ME3: variants seen among roughly 807,000 people sequenced by gnomAD.
ME3 encodes NADP-dependent malic enzyme, mitochondrial.
Under a neutral mutation model 68.9 loss-of-function variants are expected in ME3, and 48 were observed. That is an observed-to-expected ratio of 0.70 (90% CI 0.55 to 0.89). The LOEUF (loss-of-function observed/expected upper bound fraction) is 0.89. ME3 is among the 40% of genes least tolerant of loss of function. The probability of loss-of-function intolerance (pLI) is 0.00; values close to 1 mark genes in which losing one functional copy is unlikely to be tolerated. For missense variants in ME3, 675 were observed against 797.4 expected, an observed-to-expected ratio of 0.85 and a Z score of 1.85; for synonymous variants, 320 against 318.8, an observed-to-expected ratio of 1.00 and a Z score of -0.04.
At chr11:86,662,747 C>G (rs1387044204) in intron 2 of ME3, among the ~76,000 whole-genome samples, 1 of 152,216 alleles carries the variant, frequency 6.6e-6, no homozygotes, top group Admixed American at 6.5e-5. Flanking sequence ...AAAACATTAG[C>G]TGTTATTACT....
At chr11:86,438,633 A>G (rs141466649), downstream of ME3, among the ~76,000 whole-genome samples, 7 of 152,200 alleles carry the variant, frequency 4.6e-5, no homozygotes, top group African/African-American at 1.4e-4. Context: ...TTAATTACTA[A>G]TTTCTTTACT....
intron 4 of ME3, among the ~76,000 whole-genome samples, chr11:86,548,793 C>T (rs1033578433): frequency 6.6e-6 from 1 of 152,128 alleles, no homozygotes; most frequent in Non-Finnish European, 1.5e-5. Flanking sequence ...GATTATAGGT[C>T]ACGCTACTAG....
In ME3 at chr11:86,598,746, G is replaced by T. The variant is rs183894004; in HGVS notation, c.184-38923C>A. Among the ~76,000 whole-genome samples, 44 of 152,298 alleles carry T rather than the reference G, an allele frequency of 2.9e-4. No individual in the cohort carries two copies. The East Asian group carries it at 7.7e-3, about 27-fold the overall frequency. ...CTCACGCGGCCAGGTACTCCTCTGA[G>T]ACAAAACTTCCAGAGGAACTATCAG... On this transcript the variant is annotated intron_variant, in intron 2 of 14. Transcript: ENST00000543262.
At chr11:86,447,092 C>T (rs147276864) in exon 12 of ME3, 41 of 1,614,070 alleles carry the variant, frequency 2.5e-5, no homozygotes, top group Non-Finnish European at 2.9e-5. Context: ...ACTTCTCAGC[C>T]GTGCACTCGG....
intron 4 of ME3, among the ~76,000 whole-genome samples, chr11:86,510,173 C>T (rs1024956166): frequency 4.6e-5 from 7 of 152,170 alleles, no homozygotes; most frequent in African/African-American, 1.7e-4. Flanking sequence ...TTTCTCAACC[C>T]ACTGCAGTAT....
At chr11:86,483,135 C>T (rs1444083769) in intron 7 of ME3, among the ~76,000 whole-genome samples, 2 of 152,162 alleles carry the variant, frequency 1.3e-5, no homozygotes, top group African/African-American at 4.8e-5. Context: ...TAAATCTGAT[C>T]AGGGCACAGT....
At chr11:86,613,472 C>A (rs1942739696) in intron 2 of ME3, among the ~76,000 whole-genome samples, 1 of 152,224 alleles carries the variant, frequency 6.6e-6, no homozygotes, top group East Asian at 1.9e-4. Flanking sequence ...CCGACCAGGG[C>A]ATCAGGCAAG....
chr11:86,638,302 C>A (rs1944468513), intron 2 of ME3, among the ~76,000 whole-genome samples: 1 of 152,186 alleles, frequency 6.6e-6, no homozygotes, highest in Non-Finnish European at 1.5e-5. Context: ...CACAGCACAT[C>A]CAGGGCTGTG....
intron 6 of ME3, among the ~76,000 whole-genome samples, chr11:86,497,563 A>C (rs550679116): frequency 8.5e-5 from 13 of 152,114 alleles, no homozygotes; most frequent in Non-Finnish European, 1.8e-4. Flanking sequence ...GGTGCTTTGA[A>C]TTCCAGTCAT....
chr11:86,667,003 T>A (rs1946627196), intron 2 of ME3, among the ~76,000 whole-genome samples: 2 of 152,234 alleles, frequency 1.3e-5, no homozygotes, highest in Admixed American at 1.3e-4. Flanking sequence ...CATCATTGAA[T>A]ACAGAAGGGA....
In ME3 at chr11:86,464,173, C is replaced by T. The variant is rs541587434; in HGVS notation, c.919+918G>A. Reference sequence around the variant, plus strand: ...CCAACCTTTAGCAATCCAGGGCCAACACCTGTCTCTTGCCAACTTATTCTT... The same window carrying T: ...CCAACCTTTAGCAATCCAGGGCCAATACCTGTCTCTTGCCAACTTATTCTT... On this transcript the variant is annotated intron_variant, in intron 8 of 14. Transcript: ENST00000543262. The T allele has an allele frequency of 5.2e-5, 21 of 403,640 alleles. No homozygotes were observed. In the Middle Eastern group the frequency reaches 1.8e-3, roughly 34 times the overall value. 25.0% of individuals were successfully genotyped at this position (403,640 alleles called of 1,614,324 possible).
intron 2 of ME3, among the ~76,000 whole-genome samples, chr11:86,622,438 A>C (rs557912286): frequency 1.3e-5 from 2 of 152,166 alleles, no homozygotes; most frequent in African/African-American, 2.4e-5. Flanking sequence ...TGAGATGAGA[A>C]TACCTAATAG....
rs751529791 is a variant in ME3, at chr11:86,545,572, A to G, written c.467+10981T>C. Among the ~76,000 whole-genome samples, 18 of 152,350 alleles carry G rather than the reference A, an allele frequency of 1.2e-4. No individual in the cohort carries two copies. The Middle Eastern group carries it at 0.01, about 86-fold the overall frequency. ...GTGAGCTCCCATTCATAATTGCTAC[A>G]AAGAGAATAAAATACCTAGAAATAC... On this transcript the variant is annotated intron_variant, in intron 4 of 14. Transcript: ENST00000543262.
rs144514870 is a variant in ME3, at chr11:86,594,660, A to G, written c.184-34837T>C. ...AGTGAGCTGTGATTGCACCACTGAC[A>G]CAGCAAGACCCTTTCTCAAAAAACA... On this transcript the variant is annotated intron_variant, in intron 2 of 14. Transcript: ENST00000543262. 8.2e-4 allele frequency among the ~76,000 whole-genome samples: 120 copies of G among 146,354 alleles called. 9 individuals are homozygous for G. The highest frequency in any genetic ancestry group is 2.2e-3 in the African/African-American group (87 of 39,822).
chr11:86,578,430 T>G (rs983827739), intron 2 of ME3, among the ~76,000 whole-genome samples: 3 of 152,050 alleles, frequency 2.0e-5, no homozygotes, highest in African/African-American at 4.8e-5. Flanking sequence ...AGACACACTT[T>G]GGGAGGGTCT....
intron 6 of ME3, among the ~76,000 whole-genome samples, chr11:86,496,069 A>G (rs1952310415): frequency 6.6e-6 from 1 of 152,182 alleles, no homozygotes; most frequent in Non-Finnish European, 1.5e-5. Flanking sequence ...CTGAATAAGC[A>G]TCATTCCTTA....
At chr11:86,648,739 G>T (rs1303426771) in intron 2 of ME3, among the ~76,000 whole-genome samples, 1 of 152,016 alleles carries the variant, frequency 6.6e-6, no homozygotes, top group Non-Finnish European at 1.5e-5. Context: ...CTAGAAAAAT[G>T]TGAATAAATT....
At chr11:86,464,248 A>G (rs529595033) in intron 8 of ME3, 1 of 342,110 alleles carries the variant, frequency 2.9e-6, no homozygotes, top group Non-Finnish European at 5.7e-6. Flanking sequence ...GGCAAACTTC[A>G]TTTGTTAAAG....
chr11:86,554,802 C>A (rs902237544), intron 4 of ME3, among the ~76,000 whole-genome samples: 1 of 152,182 alleles, frequency 6.6e-6, no homozygotes. Flanking sequence ...CAATTACTTG[C>A]CAAGTATTGG....
Sources: gnomAD v4.1 joint callset for allele counts (sites outside exome capture counted in the v4.1 genomes callset) on GRCh38, gnomAD v4.1.1 for gene constraint, MANE v1.5 for transcripts, NCBI Gene and HGNC (gene_info 2026-07-23, HGNC 2026-07-21) for gene names.